CORO7: variants seen among roughly 807,000 people sequenced by gnomAD.
CORO7 encodes the protein coronin 7.
CORO7 carries 107 observed loss-of-function variants against 126.6 expected under a neutral mutation model. The ratio of observed to expected loss-of-function variants is 0.85; its 90% CI spans 0.72 to 0.99. The LOEUF (loss-of-function observed/expected upper bound fraction) is 0.99. Ranked by LOEUF, CORO7 falls within the 50% of genes least tolerant of loss-of-function variation. The pLI, the probability that CORO7 is intolerant of heterozygous loss-of-function variation, is 0.00. For synonymous variants in CORO7, 603 were observed against 536.8 expected (o/e 1.12, Z -1.70); for missense variants, 1,314 against 1,255.8 (o/e 1.05, Z -0.70).
chr16:4,359,485 C>A lies in CORO7; in HGVS notation c.2245G>T (p.Gly749Cys). 1.2e-6 allele frequency: 2 copies of A among 1,613,528 alleles called. No individual in the cohort carries two copies. Among genetic ancestry groups the A allele is most frequent in the Non-Finnish European group, 1.7e-6 (2 of 1,179,960 alleles). ...DPDTGLVLLT[G>C]KGDTRVFLYE... The stretch of plus-strand genomic sequence containing the variant: ...CGCCCTCCAGCCCAGCCCACCTTGC[C>A]GGTCAGGAGCACCAGGCCAGTGTCT... The change falls in exon 22 of 28, where the codon GGC becomes TGC. Residue 749 changes from glycine to cysteine, a missense_variant. Transcript: ENST00000251166.
In CORO7 at chr16:4,388,796, T is replaced by C. The variant is rs981713198; in HGVS notation, c.616-165A>G. ...TCCACGTCCCCACTGGGACCAAGGG[T>C]GGTCTCCGAAGCACCCCGGGGATCA... On this transcript the variant is annotated intron_variant, in intron 7 of 27. Transcript: ENST00000251166. Among the ~76,000 whole-genome samples the C allele has an allele frequency of 1.6e-4, 24 of 151,810 alleles. 1 individual carries two copies. Among genetic ancestry groups the C allele is most frequent in the Non-Finnish European group, 3.1e-4 (21 of 67,902 alleles).
In CORO7 at chr16:4,407,558, TCACCA is replaced by T; in HGVS notation, c.425_429del (p.Leu142GlnfsTer53). ...ACCTTCACAGTGGTGCCTGCTGCGCTCACCAGAATGCCGTCAGAGGTGGGGTGGAA... is the reference window on the plus strand; with the variant it reads ...ACCTTCACAGTGGTGCCTGCTGCGCTGAATGCCGTCAGAGGTGGGGTGGAA... On this transcript the variant is annotated frameshift_variant, in exon 5 of 28. Transcript: ENST00000251166. LOFTEE classifies it high-confidence loss of function. 6.3e-7 allele frequency: 1 copy of T among 1,584,746 alleles called. No homozygotes were observed. The highest frequency in any genetic ancestry group is 2.3e-5 in the East Asian group (1 of 43,184).
At chr16:4,378,617 G>T (rs1388960556) in intron 9 of CORO7, among the ~76,000 whole-genome samples, 1 of 152,104 alleles carries the variant, frequency 6.6e-6, no homozygotes, top group Non-Finnish European at 1.5e-5. Flanking sequence ...CATCAGACAC[G>T]AGCCCCCCTG....
intron 9 of CORO7, among the ~76,000 whole-genome samples, chr16:4,372,470 G>A (rs1212971614): frequency 1.3e-5 from 2 of 152,202 alleles, no homozygotes; most frequent in Admixed American, 6.5e-5. Context: ...CTACAGATAT[G>A]CAGCCCTAGG....
At chr16:4,355,635 AT>A (rs1301935899) in intron 26 of CORO7, 26 of 427,666 alleles carry the variant, frequency 6.1e-5, no homozygotes, top group Non-Finnish European at 1.1e-4. Context: ...TGCCCGGCTA[AT>A]TTTTTGTATT....
At chr16:4,361,880 G>T in intron 16 of CORO7, 105 bp downstream of exon 16, 1 of 1,502,558 alleles carries the variant, frequency 6.7e-7, no homozygotes. Context: ...GCAGGAGCCT[G>T]ACACAAGGTT....
chr16:4,381,102 G>C (rs751136720), intron 9 of CORO7: 2 of 1,607,676 alleles, frequency 1.2e-6, no homozygotes, highest in South Asian at 2.2e-5. Context: ...TTGCCGGCCT[G>C]CCGGGCCTGC....
At chr16:4,414,957 G>A (rs2056352709) in intron 1 of CORO7, among the ~76,000 whole-genome samples, 1 of 152,070 alleles carries the variant, frequency 6.6e-6, no homozygotes, top group African/African-American at 2.4e-5. Flanking sequence ...CACTTCCTCG[G>A]CTCAAGAGAT....
chr16:4,382,728 AG>A, intron 9 of CORO7: 1 of 1,553,090 alleles, frequency 6.4e-7, no homozygotes, highest in Non-Finnish European at 8.7e-7. Context: ...AGGTGGGGCC[AG>A]GGGCTGGGCC....
At chr16:4,364,209 C>G in intron 14 of CORO7, 67 bp downstream of exon 14, 1 of 1,440,146 alleles carries the variant, frequency 6.9e-7, no homozygotes, top group South Asian at 1.6e-5. Flanking sequence ...GGCCGTTCAG[C>G]CGGTGAACAC....
At chr16:4,389,947 C>T (rs2055329236) in intron 7 of CORO7, among the ~76,000 whole-genome samples, 1 of 152,208 alleles carries the variant, frequency 6.6e-6, no homozygotes, top group South Asian at 2.1e-4. Context: ...CCGGATGGTT[C>T]TCAGATAGAG....
intron 9 of CORO7, chr16:4,387,750 AG>A: frequency 1.7e-6 from 1 of 580,194 alleles, no homozygotes. Context: ...CTGGTGACCA[AG>A]GGCCCACTCT....
intron 9 of CORO7, among the ~76,000 whole-genome samples, chr16:4,369,943 G>A (rs2054469412): frequency 1.3e-5 from 2 of 152,166 alleles, no homozygotes; most frequent in Non-Finnish European, 2.9e-5. Context: ...GGCAATGTTG[G>A]ATAAACTGAG....
intron 9 of CORO7, among the ~76,000 whole-genome samples, chr16:4,378,316 C>G (rs551107926): frequency 6.6e-6 from 1 of 151,950 alleles, no homozygotes; most frequent in African/African-American, 2.4e-5. Context: ...AAACGAGGCC[C>G]AAGGGGAGCT....
intron 6 of CORO7, among the ~76,000 whole-genome samples, chr16:4,403,368 C>T (rs2055883328): frequency 6.6e-6 from 1 of 152,166 alleles, no homozygotes; most frequent in Non-Finnish European, 1.5e-5. Context: ...GCAGCCGACC[C>T]AGGGCTGAGG....
intron 6 of CORO7, among the ~76,000 whole-genome samples, chr16:4,403,993 C>T (rs143273015): frequency 2.6e-5 from 4 of 152,208 alleles, no homozygotes; most frequent in East Asian, 1.9e-4. Context: ...CCAGAAGGGG[C>T]TCCCTGGGGG....
chr16:4,363,444 C>T lies in CORO7; in HGVS notation c.1276-706G>A, dbSNP rs370057572. ...CCAATTAGCCAGGCGTGGTGGTGCG[C>T]GCCTGTAATCCCAGCACTTTGGGAG... On this transcript the variant is annotated intron_variant, in intron 14 of 27. Transcript: ENST00000251166. Among the ~76,000 whole-genome samples, 5 of 151,496 alleles carry T rather than the reference C, an allele frequency of 3.3e-5. No homozygotes were observed. The South Asian group carries it at 6.3e-4, about 19-fold the overall frequency.
Position 4,364,807 on chromosome 16 carries a change from T to C in CORO7, c.1012A>G (p.Ile338Val), listed in dbSNP as rs1312889661. The C allele has an allele frequency of 1.2e-6, 2 of 1,611,830 alleles. No homozygotes were observed. Among genetic ancestry groups the C allele is most frequent in the Non-Finnish European group, 8.5e-7 (1 of 1,179,740 alleles). Residue 338 changes from isoleucine to valine, a missense_variant, in exon 12 of 28, where the codon ATC becomes GTC. By Grantham distance (29) the Ile-to-Val change is conservative. Transcript: ENST00000251166. ...GGCACATGGTAGCCGATGGGCACGA[T>C]GGCTGTGTCGCTCAGCTGTAGGACG... Reference protein sequence around the residue: ...LRVLQLSDTAIVPIGYHVPRK... With the variant: ...LRVLQLSDTAVVPIGYHVPRK...
chr16:4,404,237 C>A (rs925649418), intron 6 of CORO7, among the ~76,000 whole-genome samples: 2 of 152,198 alleles, frequency 1.3e-5, no homozygotes, highest in Non-Finnish European at 2.9e-5. Flanking sequence ...GGCCTCTCAG[C>A]CATTCTTCAT....
Sources: gnomAD v4.1 joint callset for allele counts (sites outside exome capture counted in the v4.1 genomes callset) on GRCh38, gnomAD v4.1.1 for gene constraint, MANE v1.5 for transcripts, NCBI Gene and HGNC (gene_info 2026-07-23, HGNC 2026-07-21) for gene names.